FADS6: variants seen among roughly 807,000 people sequenced by gnomAD.
FADS6 encodes the protein fatty acid desaturase domain family, member 6.
FADS6 carries 28 observed loss-of-function variants against 31.7 expected under a neutral mutation model. The ratio of observed to expected loss-of-function variants is 0.88; its 90% confidence interval spans 0.66 to 1.21. The LOEUF (loss-of-function observed/expected upper bound fraction) is 1.21. FADS6 is among the 50% of genes most tolerant of loss of function. FADS6 has a pLI of 0.00. For missense variants in FADS6, 494 were observed against 504.2 expected (o/e 0.98, Z 0.19); for synonymous variants, 191 against 213.1 (o/e 0.90, Z 0.90).
At chr17:74,889,240 A>C (rs1239700190) in intron 2 of FADS6, among the ~76,000 whole-genome samples, 2 of 152,214 alleles carry the variant, frequency 1.3e-5, no homozygotes, top group Non-Finnish European at 2.9e-5. Flanking sequence ...CTGAGGCTGC[A>C]GCATTTGCCA....
chr17:74,886,409 G>A (rs978987361), intron 2 of FADS6, among the ~76,000 whole-genome samples: 2 of 144,040 alleles, frequency 1.4e-5, no homozygotes, highest in Non-Finnish European at 3.0e-5. Flanking sequence ...GCAGTGAGCC[G>A]AGATTGTGCC....
intron 2 of FADS6, among the ~76,000 whole-genome samples, chr17:74,889,618 C>G (rs1369757385): frequency 6.6e-6 from 1 of 151,082 alleles, no homozygotes; most frequent in Non-Finnish European, 1.5e-5. Flanking sequence ...GTAATCCCAG[C>G]ACTTTGGGAG....
downstream of FADS6, among the ~76,000 whole-genome samples, chr17:74,876,285 C>A (rs1270520698): frequency 1.3e-5 from 2 of 152,168 alleles, no homozygotes; most frequent in African/African-American, 4.8e-5. Context: ...GGTCAGGAGG[C>A]CTTTCACTCT....
intron 4 of FADS6, 24 bp from the exon 5 acceptor site, chr17:74,879,607 C>G (rs1207895126): frequency 6.3e-7 from 1 of 1,599,830 alleles, no homozygotes; most frequent in East Asian, 2.2e-5. Context: ...GTGGGTCACG[C>G]CGGGCAGCCT....
intron 2 of FADS6, among the ~76,000 whole-genome samples, chr17:74,890,240 G>C (rs980703716): frequency 6.6e-6 from 1 of 152,156 alleles, no homozygotes; most frequent in African/African-American, 2.4e-5. Context: ...TTACAGGCGT[G>C]AGCCCCACTG....
chr17:74,890,000 C>T (rs2038671375), intron 2 of FADS6, among the ~76,000 whole-genome samples: 1 of 152,058 alleles, frequency 6.6e-6, no homozygotes, highest in Admixed American at 6.5e-5. Context: ...CCAGGCCCTC[C>T]ATTAAGGTCT....
chr17:74,879,823 C>A (rs1192208083), intron 4 of FADS6, among the ~76,000 whole-genome samples: 1 of 152,218 alleles, frequency 6.6e-6, no homozygotes, highest in Non-Finnish European at 1.5e-5. Flanking sequence ...CTGCACACCT[C>A]TCAGGTCCCA....
intron 2 of FADS6, among the ~76,000 whole-genome samples, chr17:74,891,767 G>A (rs1050091915): frequency 1.3e-5 from 2 of 152,190 alleles, no homozygotes; most frequent in African/African-American, 4.8e-5. Context: ...TAATAATTGA[G>A]TTAATTGGTC....
At chr17:74,889,739 CG>C (rs1468127574) in intron 2 of FADS6, among the ~76,000 whole-genome samples, 6 of 151,322 alleles carry the variant, frequency 4.0e-5, no homozygotes, top group African/African-American at 1.5e-4. Flanking sequence ...GACATGGTGG[CG>C]GGTGCCTATA....
intron 2 of FADS6, among the ~76,000 whole-genome samples, chr17:74,887,168 C>G (rs976903597): frequency 6.6e-6 from 1 of 151,874 alleles, no homozygotes; most frequent in African/African-American, 2.4e-5. Flanking sequence ...GCTTGAACTC[C>G]CAGGCTCAAG....
intron 2 of FADS6, among the ~76,000 whole-genome samples, chr17:74,888,134 ACACACACACACACACACACACGCGCGCG>A (rs2038643710): frequency 2.5e-5 from 2 of 78,934 alleles, no homozygotes; most frequent in Admixed American, 1.2e-4. Context: ...CACCACACAC[ACACACACACACACACACACACGCGCGCG>A]CGCGCGCGCG....
Position 74,892,573 on chromosome 17 carries a change from G to A in FADS6, c.361C>T (p.Leu121Phe), listed in dbSNP as rs1202904878. 2 of 1,613,410 alleles carry A rather than the reference G, an allele frequency of 1.2e-6. No homozygotes were observed. Among genetic ancestry groups the A allele is most frequent in the Admixed American group, 1.7e-5 (1 of 59,926 alleles). ...TTGCTCCAGCGTTTGGACTCGGTGA[G>A]GGCCCCATGAGTGGCCAGGTGGCTG... ...KGSHLATHGA[L>F]TESKRWSKIW... The change falls in exon 2 of 6, where the codon CTC becomes TTC. Residue 121 changes from leucine (L) to phenylalanine (F), a missense_variant. This residue lies in a region of FADS6 where 454 missense variants were observed against 438.5 expected (regional missense o/e 1.04). Transcript: ENST00000612771.
chr17:74,879,626 C>A, intron 4 of FADS6, 43 bp from the exon 5 acceptor site: 1 of 1,572,006 alleles, frequency 6.4e-7, no homozygotes, highest in East Asian at 2.3e-5. Flanking sequence ...CTGGACCTCC[C>A]CACCCCACTC....
At chr17:74,881,772 CAAAG>C (rs751994400) in intron 3 of FADS6, among the ~76,000 whole-genome samples, 13 of 149,708 alleles carry the variant, frequency 8.7e-5, no homozygotes, top group South Asian at 2.1e-4. Context: ...GAAAAAGAAA[CAAAG>C]AAAGAAACAG....
intron 2 of FADS6, among the ~76,000 whole-genome samples, chr17:74,888,563 C>T (rs566575897): frequency 6.6e-6 from 1 of 152,126 alleles, no homozygotes. Flanking sequence ...CTGTTTCCAC[C>T]CCCACAAGAG....
In FADS6 at chr17:74,878,208, G is replaced by A. The variant is rs2038526955; in HGVS notation, c.*123C>T. The A allele has an allele frequency of 2.1e-6, 3 of 1,443,734 alleles. No homozygotes were observed. Among genetic ancestry groups the A allele is most frequent in the African/African-American group, 1.4e-5 (1 of 69,894 alleles). The allele number at this position is 1,443,734 out of a possible 1,614,324, so 89.4% of individuals were successfully genotyped here. A position where few individuals can be genotyped will look rare whatever the true frequency, so the allele number is the denominator to read the frequency against. ...CCTGAGCTCCCCTGCCCCCCTGCCTGGCCGGTGCCTCCACTCTCCAGGTCC... is the reference window on the plus strand; with the variant it reads ...CCTGAGCTCCCCTGCCCCCCTGCCTAGCCGGTGCCTCCACTCTCCAGGTCC... On this transcript the variant is annotated 3_prime_UTR_variant, in exon 6 of 6. Coordinates refer to ENST00000612771, the MANE Select transcript of FADS6 (RefSeq NM_178128.6).
chr17:74,888,460 G>A (rs1000587385), intron 2 of FADS6, among the ~76,000 whole-genome samples: 1 of 152,212 alleles, frequency 6.6e-6, no homozygotes, highest in Non-Finnish European at 1.5e-5. Flanking sequence ...GCAGAGAGAA[G>A]GTTGGAGAGA....
chr17:74,876,513 G>A (rs1191512461), downstream of FADS6, among the ~76,000 whole-genome samples: 1 of 152,094 alleles, frequency 6.6e-6, no homozygotes, highest in African/African-American at 2.4e-5. Flanking sequence ...AATGTCAGTA[G>A]TGACTGGGCA....
intron 2 of FADS6, 52 bp from the exon 3 acceptor site, chr17:74,882,762 G>C (rs562954503): frequency 6.4e-7 from 1 of 1,568,984 alleles, no homozygotes; most frequent in South Asian, 1.2e-5. Flanking sequence ...GCACAGTTGA[G>C]CAATGCAGGA....
Sources: gnomAD v4.1 joint callset for allele counts (sites outside exome capture counted in the v4.1 genomes callset) on GRCh38, gnomAD v4.1.1 for gene constraint, gnomAD v4.1.1 regional missense constraint, MANE v1.5 for transcripts, NCBI Gene and HGNC (gene_info 2026-07-23, HGNC 2026-07-21) for gene names.